Variants in ZFHX3 observed in about 807,000 individuals in gnomAD.
The protein encoded by ZFHX3 is zinc finger homeobox protein 3.
In ZFHX3, 42 loss-of-function variants were observed where a neutral mutation model predicts 279.1. That is an observed-to-expected ratio of 0.15 (90% CI 0.12 to 0.19). The LOEUF (loss-of-function observed/expected upper bound fraction) is 0.19, where lower values mean the gene tolerates loss of function less well. Ranked by LOEUF, ZFHX3 falls within the 10% of genes least tolerant of loss-of-function variation. The probability of loss-of-function intolerance (pLI) is 1.00; values close to 1 mark genes in which losing one functional copy is unlikely to be tolerated. For missense variants in ZFHX3, 4,981 were observed against 4,754.0 expected (o/e 1.05, Z -1.40); for synonymous variants, 2,293 against 1,957.8 (o/e 1.17, Z -4.52).
intron 1 of ZFHX3, among the ~76,000 whole-genome samples, chr16:73,003,243 T>C (rs1963561455): frequency 6.6e-6 from 1 of 151,630 alleles, no homozygotes; most frequent in South Asian, 2.1e-4. Context: ...TTTGCACGAC[T>C]CTCAGGGTTT....
chr16:73,262,923 T>G (rs1451492638), intron 4 of ZFHX3, among the ~76,000 whole-genome samples: 1 of 152,106 alleles, frequency 6.6e-6, no homozygotes, highest in Admixed American at 6.5e-5. Context: ...GCTGGCCGAC[T>G]GCCAGACATG....
In ZFHX3 at chr16:73,476,449, A is replaced by G. The variant is rs1270620698; in HGVS notation, c.-1546-20191T>C. 2.0e-5 allele frequency among the ~76,000 whole-genome samples: 3 copies of G among 152,176 alleles called. No homozygotes were observed. In the East Asian group the frequency reaches 5.8e-4, roughly 29 times the overall value. ...AAACTCCATTGATGGCAAGCAGCAA[A>G]AAGATAAAAAGTCCACACTGCCACA... On this transcript the variant is annotated intron_variant, in intron 2 of 17. Transcript: ENST00000641206.
chr16:73,820,863 C>T (rs1489518084), intron 1 of ZFHX3, among the ~76,000 whole-genome samples: 3 of 151,586 alleles, frequency 2.0e-5, no homozygotes, highest in Admixed American at 1.3e-4. Flanking sequence ...GGTAGTAGAA[C>T]ACATTTGTCT....
At chr16:73,716,155 G>A (rs1411062364) in intron 1 of ZFHX3, among the ~76,000 whole-genome samples, 1 of 152,052 alleles carries the variant, frequency 6.6e-6, no homozygotes, top group Non-Finnish European at 1.5e-5. Context: ...CCATCATTAT[G>A]GAAATGACTT....
chr16:73,624,046 G>A (rs1226908075), intron 2 of ZFHX3, among the ~76,000 whole-genome samples: 3 of 152,252 alleles, frequency 2.0e-5, no homozygotes, highest in South Asian at 2.1e-4. Context: ...GTCCAACCAT[G>A]AGCAAATCAA....
chr16:72,822,119 A>C (rs1294350927), intron 5 of ZFHX3: 1 of 152,218 alleles, frequency 6.6e-6, no homozygotes, highest in East Asian at 1.9e-4. Flanking sequence ...TTGGACTTAA[A>C]GGTACTTATG....
chr16:73,691,586 C>A (rs942037782), intron 1 of ZFHX3, among the ~76,000 whole-genome samples: 18 of 152,094 alleles, frequency 1.2e-4, no homozygotes, highest in Admixed American at 9.8e-4. Context: ...AATATTGTAC[C>A]CGATAATCGA....
rs1343132537 is a variant in ZFHX3, at chr16:73,172,995, TGTTTTTTTTTTTG to T, written c.-1103-29177_-1103-29165del. On this transcript the variant is annotated intron_variant, in intron 5 of 17. Transcript: ENST00000641206. ...CTGTTTCCTGATGGGACTGTTTTTTTGTTTTTTTTTTTGTTTTTTTTTTTTTTTTTTGGGAGGG... is the reference window on the plus strand; with the variant it reads ...CTGTTTCCTGATGGGACTGTTTTTTTTTTTTTTTTTTTTTTTTTGGGAGGG... Among the ~76,000 whole-genome samples, 26 of 74,510 alleles carry T rather than the reference TGTTTTTTTTTTTG, an allele frequency of 3.5e-4. 1 individual carries two copies. The highest frequency in any genetic ancestry group is 9.1e-4 in the South Asian group (2 of 2,204). The allele number at this position is 74,510 out of a possible 152,430, so 48.9% of individuals were successfully genotyped here.
At chr16:73,483,408 G>T (rs1240972407) in intron 2 of ZFHX3, 1 of 455,516 alleles carries the variant, frequency 2.2e-6, no homozygotes, top group Non-Finnish European at 4.4e-6. Flanking sequence ...GGGACCAAAA[G>T]GGCTGGAAGA....
At chr16:73,417,878 C>T (rs897932646) in intron 3 of ZFHX3, among the ~76,000 whole-genome samples, 4 of 149,240 alleles carry the variant, frequency 2.7e-5, no homozygotes, top group Non-Finnish European at 5.9e-5. Context: ...AGTCCCAGCT[C>T]CTCGGGAGGC....
At chr16:73,471,704 T>C (rs757153630) in intron 2 of ZFHX3, among the ~76,000 whole-genome samples, 12 of 152,226 alleles carry the variant, frequency 7.9e-5, no homozygotes, top group Non-Finnish European at 1.5e-4. Flanking sequence ...CCTCAAGGAC[T>C]AGGTCAAAAG....
chr16:73,418,490 G>A (rs117923724), intron 3 of ZFHX3, among the ~76,000 whole-genome samples: 2 of 152,242 alleles, frequency 1.3e-5, no homozygotes, highest in African/African-American at 4.8e-5. Context: ...GTGTGTATAT[G>A]TTTCTGACAA....
intron 1 of ZFHX3, among the ~76,000 whole-genome samples, chr16:73,764,451 G>C (rs1326069579): frequency 6.6e-6 from 1 of 152,132 alleles, no homozygotes; most frequent in Non-Finnish European, 1.5e-5. Context: ...AGAGGGGAGG[G>C]GGAAGGCAGA....
At chr16:73,316,711 T>G in intron 4 of ZFHX3, among the ~76,000 whole-genome samples, 1 of 152,212 alleles carries the variant, frequency 6.6e-6, no homozygotes, top group East Asian at 1.9e-4. Flanking sequence ...TTGATTTTTA[T>G]CACCTCCCTA....
At chr16:72,862,552 T>C (rs572715554) in intron 4 of ZFHX3, among the ~76,000 whole-genome samples, 3 of 152,374 alleles carry the variant, frequency 2.0e-5, no homozygotes, top group East Asian at 3.9e-4. Context: ...ATTTGGGCAA[T>C]GATCATCAAT....
intron 4 of ZFHX3, among the ~76,000 whole-genome samples, chr16:72,862,073 C>G (rs2037904818): frequency 1.3e-5 from 2 of 152,182 alleles, no homozygotes; most frequent in South Asian, 4.1e-4. Flanking sequence ...GTCCTCTGCT[C>G]CCTGAGACCA....
intron 3 of ZFHX3, among the ~76,000 whole-genome samples, chr16:72,921,816 G>C (rs577767776): frequency 6.6e-6 from 1 of 152,354 alleles, no homozygotes; most frequent in African/African-American, 2.4e-5. Context: ...GGAGGAGACA[G>C]GCCTTGGCCG....
At chr16:73,408,179 C>T (rs2017401381) in intron 3 of ZFHX3, among the ~76,000 whole-genome samples, 1 of 151,846 alleles carries the variant, frequency 6.6e-6, no homozygotes, top group Admixed American at 6.6e-5. Context: ...ATTCTGACCC[C>T]CTAATAGGCA....
chr16:73,535,148 G>T (rs1259683250), intron 2 of ZFHX3, among the ~76,000 whole-genome samples: 1 of 152,282 alleles, frequency 6.6e-6, no homozygotes, highest in African/African-American at 2.4e-5. Flanking sequence ...TGAATGGAGA[G>T]CTCAAAAGTT....
Sources: allele counts gnomAD v4.1 joint callset (sites outside exome capture counted in the v4.1 genomes callset), GRCh38; gene constraint gnomAD v4.1.1; transcripts MANE v1.5; gene names NCBI Gene and HGNC (gene_info 2026-07-23, HGNC 2026-07-21).